XRN1: variants seen among roughly 807,000 people sequenced by gnomAD.
XRN1 encodes strand-exchange protein 1 homolog.
In XRN1, 67 loss-of-function variants were observed where a neutral mutation model predicts 222.3. The ratio of observed to expected loss-of-function variants is 0.30; its 90% CI spans 0.25 to 0.37. The LOEUF is 0.37. Ranked by LOEUF, XRN1 falls within the 10% of genes least tolerant of loss-of-function variation. The pLI, the probability that XRN1 is intolerant of heterozygous loss-of-function variation, is 1.00. For synonymous variants in XRN1, 643 were observed against 652.4 expected (o/e 0.99, Z 0.22); for missense variants, 1,707 against 2,000.2 (o/e 0.85, Z 2.80).
chr3:142,423,928 G>A (rs1018479768), intron 5 of XRN1, among the ~76,000 whole-genome samples: 1 of 151,748 alleles, frequency 6.6e-6, no homozygotes, highest in East Asian at 1.9e-4. Context: ...TCTTCTCTTG[G>A]TTTTCACATA....
chr3:142,433,878 T>C (rs1242166965), intron 1 of XRN1, among the ~76,000 whole-genome samples: 1 of 152,320 alleles, frequency 6.6e-6, no homozygotes, highest in African/African-American at 2.4e-5. Flanking sequence ...GAAAATGGCA[T>C]GCCTTTGAGT....
chr3:142,318,735 G>C, intron 38 of XRN1, 41 bp from the exon 39 acceptor site: 1 of 1,610,050 alleles, frequency 6.2e-7, no homozygotes, highest in Admixed American at 1.7e-5. Context: ...TGCAATACAA[G>C]CTTTCTATAG....
Position 142,416,511 on chromosome 3 carries a change from T to C in XRN1, c.1436+629A>G, listed in dbSNP as rs77694308. Among the ~76,000 whole-genome samples the C allele has an allele frequency of 5.1e-3, 780 of 152,272 alleles. 9 individuals carry two copies. The highest frequency in any genetic ancestry group is 0.018 in the African/African-American group (758 of 41,562). On this transcript the variant is annotated intron_variant, in intron 13 of 40. Coordinates refer to ENST00000392981, the MANE Select transcript of XRN1 (RefSeq NM_001282857.2). ...TTCAATAATTATTCTTGATAGAGAA[T>C]TTTTTAGCAAACACAAAAAATGTAA...
At chr3:142,421,429 T>C in intron 9 of XRN1, 47 bp downstream of exon 9, 1 of 1,474,252 alleles carries the variant, frequency 6.8e-7, no homozygotes. Context: ...TGACTGATCA[T>C]TTACAGCTAC....
chr3:142,330,488 G>C lies in XRN1; in HGVS notation c.4223-873C>G, dbSNP rs111313422. On this transcript the variant is annotated intron_variant, in intron 36 of 40. Transcript: ENST00000392981. ...TTAATCCAAACTTCTTACTAATATA[G>C]ATTAAAAAAGCAGTTAAGTGGCTTG... 8.3e-3 allele frequency among the ~76,000 whole-genome samples: 1,260 copies of C among 151,784 alleles called. 18 individuals are homozygous for C. Among genetic ancestry groups the C allele is most frequent in the African/African-American group, 0.028 (1,153 of 41,408 alleles).
At chr3:142,359,969 T>A in intron 29 of XRN1, 38 bp from the exon 30 acceptor site, 1 of 1,435,432 alleles carries the variant, frequency 7.0e-7, no homozygotes, top group East Asian at 2.3e-5. Flanking sequence ...CACTAAAAAA[T>A]CATATGATGA....
At position 142,420,895 on chromosome 3, in the gene XRN1, T is replaced by C. The variant is rs1387024125; in HGVS notation, c.1173+121A>G. On this transcript the variant is annotated intron_variant, in intron 10 of 40. Transcript: ENST00000392981. ...ACCAAATCAATTTCTGAAATGCCTA[T>C]AGAGAGGAAGAGAAATAAAACGAGG... 1.3e-5 allele frequency: 17 copies of C among 1,271,090 alleles called. No homozygotes were observed. The Admixed American group carries it at 1.8e-4, about 14-fold the overall frequency. The allele number at this position is 1,271,090 out of a possible 1,614,324, so 78.7% of individuals were successfully genotyped here. A position where few individuals can be genotyped will look rare whatever the true frequency, so the allele number is the denominator to read the frequency against.
intron 1 of XRN1, among the ~76,000 whole-genome samples, chr3:142,438,255 T>C (rs2070012069): frequency 1.3e-5 from 2 of 151,722 alleles, no homozygotes; most frequent in Non-Finnish European, 2.9e-5. Context: ...ACTAATCCGA[T>C]AGGCAGAGGT....
chr3:142,384,650 G>A lies in XRN1; in HGVS notation c.2375C>T (p.Thr792Ile). ...TAACTGAGCATACACAACTGCAGAT[G>A]TTTCATTTATTATTATTCCTTTTCT... ...LRRKGIIINE[T>I]SAVVYAQLLT... The change falls in exon 21 of 41, where the codon ACA becomes ATA. Residue 792 changes from threonine (T) to isoleucine (I), a missense_variant. This residue lies in a region of XRN1 where 1,234 missense variants were observed against 1,518.2 expected (regional missense o/e 0.81). Transcript: ENST00000392981. 1.2e-6 allele frequency: 2 copies of A among 1,600,878 alleles called. No individual in the cohort carries two copies. Among genetic ancestry groups the A allele is most frequent in the Non-Finnish European group, 1.7e-6 (2 of 1,175,040 alleles).
At chr3:142,314,050 G>A (rs558639696) in intron 39 of XRN1, among the ~76,000 whole-genome samples, 10 of 152,172 alleles carry the variant, frequency 6.6e-5, no homozygotes, top group Non-Finnish European at 1.2e-4. Context: ...GGTCAACTCC[G>A]TAATTTCCCC....
intron 36 of XRN1, among the ~76,000 whole-genome samples, chr3:142,329,956 C>T (rs1019710260): frequency 1.3e-5 from 2 of 152,146 alleles, no homozygotes; most frequent in Non-Finnish European, 1.5e-5. Context: ...CCATGAAGCA[C>T]ATATAAACAA....
At chr3:142,336,031 A>G (rs1168451671) in intron 33 of XRN1, among the ~76,000 whole-genome samples, 3 of 152,230 alleles carry the variant, frequency 2.0e-5, no homozygotes, top group South Asian at 4.1e-4. Flanking sequence ...ATAGAAGAAT[A>G]GTACAAGACC....
At chr3:142,405,956 T>G (rs1046435058) in intron 15 of XRN1, among the ~76,000 whole-genome samples, 5 of 151,800 alleles carry the variant, frequency 3.3e-5, no homozygotes, top group African/African-American at 4.8e-5. Context: ...ATTTTTTAAG[T>G]AAAAGATAAT....
At chr3:142,317,932 C>CTG (rs1553850796) in intron 39 of XRN1, among the ~76,000 whole-genome samples, 1 of 151,870 alleles carries the variant, frequency 6.6e-6, no homozygotes, top group African/African-American at 2.4e-5. Flanking sequence ...GATATTTCTT[C>CTG]TGTCTTCATC....
intron 23 of XRN1, among the ~76,000 whole-genome samples, chr3:142,378,817 A>T (rs973642064): frequency 6.6e-5 from 10 of 152,204 alleles, no homozygotes; most frequent in African/African-American, 2.4e-4. Context: ...ATACCAAGGC[A>T]CACATCCTCA....
At chr3:142,312,169 C>T (rs1021555457) in intron 40 of XRN1, among the ~76,000 whole-genome samples, 2 of 151,846 alleles carry the variant, frequency 1.3e-5, no homozygotes, top group African/African-American at 2.4e-5. Flanking sequence ...CTCAGGTACT[C>T]GGGAGTCTAA....
intron 34 of XRN1, among the ~76,000 whole-genome samples, chr3:142,334,594 T>C (rs1384329995): frequency 6.6e-6 from 1 of 151,768 alleles, no homozygotes. Flanking sequence ...CTGTTAAATT[T>C]GCTATTTTGT....
At chr3:142,312,227 A>T (rs528752775) in intron 40 of XRN1, among the ~76,000 whole-genome samples, 3 of 152,250 alleles carry the variant, frequency 2.0e-5, no homozygotes, top group East Asian at 3.9e-4. Context: ...CAGGGAGTCG[A>T]GATTGTGCAT....
chr3:142,323,213 A>G (rs1225715252), intron 37 of XRN1, among the ~76,000 whole-genome samples: 2 of 152,002 alleles, frequency 1.3e-5, no homozygotes, highest in African/African-American at 4.8e-5. Context: ...ATGTTTATTG[A>G]TAAGGTTTCA....
Sources: gnomAD v4.1 joint callset for allele counts (sites outside exome capture counted in the v4.1 genomes callset) on GRCh38, gnomAD v4.1.1 for gene constraint, gnomAD v4.1.1 regional missense constraint, MANE v1.5 for transcripts, NCBI Gene and HGNC (gene_info 2026-07-23, HGNC 2026-07-21) for gene names.